Variants in NAALADL2 observed in about 807,000 individuals in gnomAD.
NAALADL2 encodes the protein N-acetylated alpha-linked acidic dipeptidase like 2.
NAALADL2 carries 76 observed loss-of-function variants against 87.2 expected under a neutral mutation model. The observed-to-expected ratio is 0.87, with a 90% confidence interval of 0.72 to 1.05. The LOEUF is 1.05. Ranked by LOEUF, NAALADL2 falls within the 50% of genes least tolerant of loss-of-function variation. The pLI is 0.00. For missense variants in NAALADL2, 1,089 were observed against 945.8 expected, an observed-to-expected ratio of 1.15 and a Z score of -1.99; for synonymous variants, 354 against 331.0, an observed-to-expected ratio of 1.07 and a Z score of -0.75.
chr3:175,036,523 C>T (rs1442015955), intron 1 of NAALADL2, among the ~76,000 whole-genome samples: 1 of 151,980 alleles, frequency 6.6e-6, no homozygotes, highest in East Asian at 1.9e-4. Context: ...CCTCAGCCTC[C>T]CAAATAGCTG....
At chr3:174,470,704 A>G (rs893585351) in intron 1 of NAALADL2, among the ~76,000 whole-genome samples, 1 of 152,090 alleles carries the variant, frequency 6.6e-6, no homozygotes, top group African/African-American at 2.4e-5. Flanking sequence ...CAGTTTTCCC[A>G]TCACCGTTTA....
rs139536044 is a variant in NAALADL2 at position 174,623,793 on chromosome 3, C to A, written c.-115+73156C>A. The stretch of plus-strand genomic sequence containing the variant: ...TTTTTGATGCTTTTATTATCAGAAA[C>A]CACATAGATTCAGAAATCTTATTAA... On this transcript the variant is annotated intron_variant, in intron 2 of 3. Coordinates refer to the NAALADL2 transcript ENST00000434257. 2.0e-3 allele frequency among the ~76,000 whole-genome samples: 298 copies of A among 152,088 alleles called. 1 individual carries two copies. The highest frequency in any genetic ancestry group is 6.9e-3 in the African/African-American group (287 of 41,510).
At chr3:174,684,877 T>A (rs1177783926) in intron 2 of NAALADL2, among the ~76,000 whole-genome samples, 1 of 152,134 alleles carries the variant, frequency 6.6e-6, no homozygotes, top group Non-Finnish European at 1.5e-5. Flanking sequence ...CTCATTGAAG[T>A]GAGGAAAAAC....
chr3:175,371,886 T>C (rs1228821870), intron 5 of NAALADL2, among the ~76,000 whole-genome samples: 1 of 152,124 alleles, frequency 6.6e-6, no homozygotes, highest in Non-Finnish European at 1.5e-5. Flanking sequence ...CTGGAAGTTC[T>C]GCATGACCTT....
chr3:175,396,023 T>G (rs898419136), intron 5 of NAALADL2, among the ~76,000 whole-genome samples: 2 of 152,168 alleles, frequency 1.3e-5, no homozygotes, highest in African/African-American at 4.8e-5. Flanking sequence ...CTGTATTCAA[T>G]AAACAACTCA....
intron 2 of NAALADL2, among the ~76,000 whole-genome samples, chr3:174,648,895 T>C (rs1369006933): frequency 6.6e-6 from 1 of 152,092 alleles, no homozygotes; most frequent in Admixed American, 6.6e-5. Context: ...AGAGAGAGGT[T>C]GGTTTTATAT....
At chr3:174,524,513 G>C (rs1057090584) in intron 1 of NAALADL2, among the ~76,000 whole-genome samples, 1 of 152,088 alleles carries the variant, frequency 6.6e-6, no homozygotes, top group African/African-American at 2.4e-5. Flanking sequence ...GTTTCATTCA[G>C]CAAGGGACCA....
chr3:175,713,562 T>C (rs1044342381), intron 11 of NAALADL2, among the ~76,000 whole-genome samples: 13 of 151,982 alleles, frequency 8.6e-5, no homozygotes, highest in African/African-American at 3.1e-4. Context: ...TGAGAAAGAG[T>C]TTAAAATTTT....
intron 1 of NAALADL2, among the ~76,000 whole-genome samples, chr3:174,535,598 T>C (rs548633273): frequency 6.6e-6 from 1 of 152,270 alleles, no homozygotes; most frequent in East Asian, 1.9e-4. Context: ...TATTTTATCC[T>C]CATGACACTC....
chr3:174,605,345 A>ATG (rs1718903267), intron 2 of NAALADL2, among the ~76,000 whole-genome samples: 5 of 151,780 alleles, frequency 3.3e-5, no homozygotes, highest in Non-Finnish European at 7.4e-5. Context: ...CACCGTGCGC[A>ATG]AGCCGAAGCA....
intron 2 of NAALADL2, among the ~76,000 whole-genome samples, chr3:174,672,562 TG>T (rs1726663820): frequency 6.6e-6 from 1 of 152,022 alleles, no homozygotes; most frequent in African/African-American, 2.4e-5. Flanking sequence ...ATGATGATAA[TG>T]GGGTGTGCGT....
intron 2 of NAALADL2, among the ~76,000 whole-genome samples, chr3:175,159,507 T>G (rs967549451): frequency 6.6e-6 from 1 of 152,200 alleles, no homozygotes; most frequent in South Asian, 2.1e-4. Flanking sequence ...CTTCATGAGA[T>G]TTTTGACAGG....
At chr3:175,755,125 C>G in intron 12 of NAALADL2, 95 bp from the exon 13 acceptor site, 1 of 992,074 alleles carries the variant, frequency 1.0e-6, no homozygotes, top group African/African-American at 1.7e-5. Flanking sequence ...CTTCAGTGGT[C>G]TGTCTGGCTT....
intron 1 of NAALADL2, among the ~76,000 whole-genome samples, chr3:175,061,387 C>G (rs910626064): frequency 1.3e-5 from 2 of 152,246 alleles, no homozygotes; most frequent in South Asian, 4.1e-4. Context: ...TAAATCTACA[C>G]TGGAATTTTA....
At position 175,039,040 on chromosome 3, in the gene NAALADL2, G is replaced by A. The variant is rs572540446; in HGVS notation, c.44-57750G>A. Among the ~76,000 whole-genome samples the A allele has an allele frequency of 5.3e-5, 8 of 152,108 alleles. No homozygotes were observed. The East Asian group carries it at 1.2e-3, about 22-fold the overall frequency. ...GATCACATGCAGTTGCGGGCTAGGA[G>A]TAGCACCCCCCTTTTATTTTTGGAC... On this transcript the variant is annotated intron_variant, in intron 1 of 13. Transcript: ENST00000454872.
At chr3:175,426,621 A>G (rs1716829028) in intron 5 of NAALADL2, among the ~76,000 whole-genome samples, 1 of 152,196 alleles carries the variant, frequency 6.6e-6, no homozygotes, top group Non-Finnish European at 1.5e-5. Flanking sequence ...TTGCCACTGC[A>G]AAGTAATCCA....
intron 9 of NAALADL2, among the ~76,000 whole-genome samples, chr3:175,509,977 G>A (rs1236252387): frequency 1.3e-5 from 2 of 151,984 alleles, no homozygotes; most frequent in African/African-American, 2.4e-5. Flanking sequence ...CATTCGGTAT[G>A]TCTCCTAAAG....
At chr3:174,759,254 T>A (rs1712571713) in intron 3 of NAALADL2, among the ~76,000 whole-genome samples, 1 of 152,202 alleles carries the variant, frequency 6.6e-6, no homozygotes, top group Non-Finnish European at 1.5e-5. Context: ...TCTGGAGTGA[T>A]TCAGATGTTT....
At chr3:174,806,136 T>C (rs1719448925) in intron 3 of NAALADL2, among the ~76,000 whole-genome samples, 2 of 152,210 alleles carry the variant, frequency 1.3e-5, no homozygotes, top group Non-Finnish European at 2.9e-5. Context: ...CTTTTGTCCC[T>C]GGTTGGGCTT....
Sources: allele counts gnomAD v4.1 joint callset (sites outside exome capture counted in the v4.1 genomes callset), GRCh38; gene constraint gnomAD v4.1.1; transcripts MANE v1.5; gene names NCBI Gene and HGNC (gene_info 2026-07-23, HGNC 2026-07-21).